The following PRPF8 variants were observed in gnomAD, a reference collection of about 807,000 sequenced individuals.
PRPF8 encodes the protein pre-mRNA-processing-splicing factor 8.
In PRPF8, 64 loss-of-function variants were observed where a neutral mutation model predicts 285.9. That is an observed-to-expected ratio of 0.22 (90% CI 0.18 to 0.28). The LOEUF (loss-of-function observed/expected upper bound fraction) is 0.28. Among genes scored for constraint, PRPF8 ranks in the 10% least tolerant of loss-of-function variants. The probability of loss-of-function intolerance (pLI) is 1.00; values close to 1 mark genes in which losing one functional copy is unlikely to be tolerated. For missense variants in PRPF8, 1,426 were observed against 3,026.7 expected, an observed-to-expected ratio of 0.47 and a Z score of 12.41; for synonymous variants, 1,325 against 1,118.2, an observed-to-expected ratio of 1.18 and a Z score of -3.69.
rs1912635170 is a variant in PRPF8, at chr17:1,676,959, A to G, written c.2181+17T>C. On this transcript the variant is annotated intron_variant, in intron 15 of 42. Coordinates refer to ENST00000304992, the MANE Select transcript of PRPF8 (RefSeq NM_006445.4). The surrounding 1 kb of genome is among the most constrained non-coding windows in gnomAD (Gnocchi z 6.3). ...AGACGGATGTTTACGCCTCCAAGGA[A>G]ATAAAGAGACACCCACCTTCCAGGG... 1 of 1,612,882 alleles carries G rather than the reference A, an allele frequency of 6.2e-7. No individual in the cohort carries two copies. The highest frequency in any genetic ancestry group is 1.7e-5 in the Admixed American group (1 of 60,004).
chr17:1,670,040 A>G (rs1479968879), intron 24 of PRPF8, among the ~76,000 whole-genome samples: 1 of 152,016 alleles, frequency 6.6e-6, no homozygotes, highest in South Asian at 2.1e-4. Context: ...TTCTAGTTTC[A>G]TTTCTCTCCC....
At position 1,658,144 on chromosome 17, in the gene PRPF8, T is replaced by C; in HGVS notation, c.5505+109A>G. 1.3e-6 allele frequency: 2 copies of C among 1,519,392 alleles called. No individual in the cohort carries two copies. The highest frequency in any genetic ancestry group is 2.3e-4 in the Middle Eastern group (1 of 4,316). The allele number at this position is 1,519,392 out of a possible 1,614,324, so 94.1% of individuals were successfully genotyped here. A position where few individuals can be genotyped will look rare whatever the true frequency, so the allele number is the denominator to read the frequency against. ...AAGGTATTTTGGGGATAAGTTCAAA[T>C]GAGATGTTCTCAGCCTTTCATCTAA... On this transcript the variant is annotated intron_variant, in intron 34 of 42. Transcript: ENST00000304992. This position sits in a 1 kb window ranked among gnomAD's most constrained non-coding sequence, Gnocchi z 4.1.
chr17:1,666,674 G>C (rs1053259588), intron 24 of PRPF8, among the ~76,000 whole-genome samples: 2 of 152,088 alleles, frequency 1.3e-5, no homozygotes, highest in African/African-American at 4.8e-5. Flanking sequence ...ATATAGTCAA[G>C]ACTTTAAGGC....
In PRPF8 at chr17:1,651,226, G is replaced by A. The variant is rs774123152; in HGVS notation, c.6735C>T (p.Gly2245=). The change falls in exon 42 of 43, where the codon GGC becomes GGT. Residue 2245 remains glycine (G), a synonymous_variant. Coordinates refer to ENST00000304992, the MANE Select transcript of PRPF8 (RefSeq NM_006445.4). This position sits in a 1 kb window ranked among gnomAD's most constrained non-coding sequence, Gnocchi z 5.1. ...AAGGCAGGTAGCCCTTGGGGTTGTT[G>A]CCCTTGTCTGTGTTCTGGCGGCCCC... ...YEWGRQNTDK[G]NNPKGYLPSH... 5.0e-6 allele frequency: 8 copies of A among 1,614,124 alleles called. No individual in the cohort carries two copies. Among genetic ancestry groups the A allele is most frequent in the Admixed American group, 1.7e-5 (1 of 60,032 alleles).
At position 1,679,976 on chromosome 17, in the gene PRPF8, C is replaced by T. The variant is rs1912817593; in HGVS notation, c.1099-177G>A. Among the ~76,000 whole-genome samples, 1 of 152,148 alleles carries T rather than the reference C, an allele frequency of 6.6e-6. No individual in the cohort carries two copies. The highest frequency in any genetic ancestry group is 1.5e-5 in the Non-Finnish European group (1 of 68,030). The stretch of plus-strand genomic sequence containing the variant: ...GAAACCAAGACAGCAAAGAACAAGA[C>T]AGGGCCACCAGGAAAGCAAGCGTCA... On this transcript the variant is annotated intron_variant, in intron 8 of 42. Coordinates refer to ENST00000304992, the MANE Select transcript of PRPF8 (RefSeq NM_006445.4). The surrounding 1 kb of genome is among the most constrained non-coding windows in gnomAD (Gnocchi z 4.7).
At chr17:1,667,888 A>C (rs1912085473) in intron 24 of PRPF8, among the ~76,000 whole-genome samples, 2 of 152,098 alleles carry the variant, frequency 1.3e-5, no homozygotes, top group Non-Finnish European at 2.9e-5. Flanking sequence ...ATGTTGCCTA[A>C]GCTGGTCTCA....
chr17:1,665,768 C>T (rs181940358), intron 24 of PRPF8, among the ~76,000 whole-genome samples: 2 of 150,922 alleles, frequency 1.3e-5, no homozygotes, highest in African/African-American at 4.9e-5. Context: ...ATCGCTTGAA[C>T]TCAGAGGGCG....
In PRPF8 at chr17:1,684,799, G is replaced by A. The variant is rs1027639651; in HGVS notation, c.-31C>T. The A allele has an allele frequency of 2.2e-5, 13 of 599,900 alleles. No individual in the cohort carries two copies. The highest frequency in any genetic ancestry group is 1.4e-4 in the East Asian group (5 of 36,090). 37.2% of individuals were successfully genotyped at this position (599,900 alleles called of 1,614,324 possible). A position where few individuals can be genotyped will look rare whatever the true frequency, so the allele number is the denominator to read the frequency against. ...ACGCACCCCACAGGCCCTCACACAA[G>A]AGGCCGCTTTCCCCGCAGCGCAATG... On this transcript the variant is annotated 5_prime_UTR_variant, in exon 1 of 43. Coordinates refer to ENST00000304992, the MANE Select transcript of PRPF8 (RefSeq NM_006445.4).
intron 39 of PRPF8, chr17:1,652,130 G>A: frequency 2.4e-6 from 1 of 425,252 alleles, no homozygotes; most frequent in Non-Finnish European, 4.4e-6. Flanking sequence ...ACCAGCACTT[G>A]GTGCTATTTT....
At chr17:1,650,977 C>T (rs766161195) in intron 42 of PRPF8, 21 bp from the exon 43 acceptor site, 121 of 1,614,040 alleles carry the variant, frequency 7.5e-5, no homozygotes, top group Admixed American at 3.3e-4. Flanking sequence ...AAGGAAACAG[C>T]CAATGTTAAC....
intron 24 of PRPF8, among the ~76,000 whole-genome samples, chr17:1,665,990 C>T (rs867118826): frequency 2.9e-5 from 1 of 34,972 alleles, no homozygotes; most frequent in Non-Finnish European, 4.4e-5. Flanking sequence ...GGTGAAACCG[C>T]GTCGTAGTAA....
chr17:1,650,706 C>CA lies in PRPF8; in HGVS notation c.*95dup. 7.0e-7 allele frequency: 1 copy of CA among 1,433,030 alleles called. No homozygotes were observed. Among genetic ancestry groups the CA allele is most frequent in the East Asian group, 2.3e-5 (1 of 44,010 alleles). The allele number at this position is 1,433,030 out of a possible 1,614,324, so 88.8% of individuals were successfully genotyped here. A position where few individuals can be genotyped will look rare whatever the true frequency, so the allele number is the denominator to read the frequency against. Reference sequence around the variant, plus strand: ...AGGAGGTCAACAACACAAGCACAGACAGAGGGAAAGAGGCCAAACTGCTGA... The same window carrying CA: ...AGGAGGTCAACAACACAAGCACAGACAAGAGGGAAAGAGGCCAAACTGCTGA... On this transcript the variant is annotated 3_prime_UTR_variant, in exon 43 of 43. Coordinates refer to ENST00000304992, the MANE Select transcript of PRPF8 (RefSeq NM_006445.4).
Position 1,681,680 on chromosome 17 carries a change from C to A in PRPF8, c.664G>T (p.Gly222Cys). Residue 222 changes from glycine (G) to cysteine (C), a missense_variant, in exon 6 of 43, where the codon GGC (glycine) becomes TGC (cysteine). This residue lies in a region of PRPF8 where 157 missense variants were observed against 159.6 expected (regional missense o/e 0.98). Coordinates refer to ENST00000304992, the MANE Select transcript of PRPF8 (RefSeq NM_006445.4). ...AACTGCCAGCGCTGGTAAGTGGAGC[C>A]ATTTACATACCTAGGTAAAAAATGA... ...PLRDSRKYVN[G>C]STYQRWQFTL... The A allele has an allele frequency of 6.2e-7, 1 of 1,614,110 alleles. No individual in the cohort carries two copies. The highest frequency in any genetic ancestry group is 8.5e-7 in the Non-Finnish European group (1 of 1,180,010).
intron 2 of PRPF8, 40 bp from the exon 3 acceptor site, chr17:1,683,741 C>G (rs117892299): frequency 0.033 from 53,091 of 1,610,926 alleles, 1,011 homozygotes; most frequent in Middle Eastern, 0.047. Flanking sequence ...CACACCCTCC[C>G]CCTAATCCTC....
intron 3 of PRPF8, 35 bp downstream of exon 3, chr17:1,683,498 A>G: frequency 6.2e-7 from 1 of 1,613,498 alleles, no homozygotes; most frequent in Non-Finnish European, 8.5e-7. Context: ...AAAAGGGCCA[A>G]ATTCCAAATG....
chr17:1,651,672 C>T lies in PRPF8; in HGVS notation c.6486G>A (p.Gln2162=), dbSNP rs1911078269. 1 of 1,614,052 alleles carries T rather than the reference C, an allele frequency of 6.2e-7. No individual in the cohort carries two copies. The highest frequency in any genetic ancestry group is 1.3e-5 in the African/African-American group (1 of 74,930). The change falls in exon 40 of 43, where the codon CAG becomes CAA. Residue 2162 remains glutamine, a synonymous_variant. Transcript: ENST00000304992. The surrounding 1 kb of genome is among the most constrained non-coding windows in gnomAD (Gnocchi z 5.1). The part of the protein sequence containing the change: ...GTHQTVHLPG[Q]LPQHEYLKEM... ...CCTTGAGGTACTCATGCTGGGGCAG[C>T]TGGCCAGGCAGGTGCACGGTCTGGT... is the stretch of plus-strand genomic sequence containing the variant.
At chr17:1,662,708 C>T (rs1409090948) in intron 24 of PRPF8, among the ~76,000 whole-genome samples, 1 of 151,552 alleles carries the variant, frequency 6.6e-6, no homozygotes, top group African/African-American at 2.4e-5. Flanking sequence ...TCAAGACCAG[C>T]CTGGCCAACA....
At position 1,660,456 on chromosome 17, in the gene PRPF8, C is replaced by T. The variant is rs1321782651; in HGVS notation, c.4761G>A (p.Glu1587=). Residue 1587 remains glutamate, a synonymous_variant, in exon 30 of 43, where the codon GAG becomes GAA. Transcript: ENST00000304992. ...FRAHLWQKIH[E]SIVMDLCQVF... ...CCTGACATAAGTCCATAACAATGCT[C>T]TCATGGATCTTCTGCCACAAGTGAG... is the stretch of plus-strand genomic sequence containing the variant. The T allele has an allele frequency of 6.2e-7, 1 of 1,614,224 alleles. No individual in the cohort carries two copies. Among genetic ancestry groups the T allele is most frequent in the East Asian group, 2.2e-5 (1 of 44,888 alleles).
Position 1,656,891 on chromosome 17 carries a change from T to TA in PRPF8, c.5506-131dup, listed in dbSNP as rs140668654. The TA allele has an allele frequency of 2.7e-3, 2,413 of 880,828 alleles. 45 individuals are homozygous for TA. Among genetic ancestry groups the TA allele is most frequent in the Admixed American group, 0.026 (1,317 of 50,116 alleles). 54.6% of individuals were successfully genotyped at this position (880,828 alleles called of 1,614,324 possible). A position where few individuals can be genotyped will look rare whatever the true frequency, so the allele number is the denominator to read the frequency against. On this transcript the variant is annotated intron_variant, in intron 34 of 42. Transcript: ENST00000304992. The stretch of plus-strand genomic sequence containing the variant: ...ACACTGATGTTAAATGTTAGGCACT[T>TA]AGAAGGTACAAAGAGTATCAAATGG...
Sources: gnomAD v4.1 joint callset for allele counts (sites outside exome capture counted in the v4.1 genomes callset) on GRCh38, gnomAD v4.1.1 for gene constraint, gnomAD v4.1.1 regional missense constraint, Gnocchi (gnomAD v3.1) non-coding constraint, MANE v1.5 for transcripts, NCBI Gene and HGNC (gene_info 2026-07-23, HGNC 2026-07-21) for gene names.